Variants in HAPSTR1 observed in about 807,000 individuals in gnomAD.
HAPSTR1 encodes HUWE1 associated protein modifying stress responses, also known as HUWE1-associated protein modifying stress responses 1.
chr16:9,116,966 C>T, the HAPSTR1 span: 148 of 1,596,960 alleles, frequency 9.3e-5, no homozygotes, highest in South Asian at 1.6e-3. Context: ...TGATCCTCAA[C>T]ATATACTATA....
At chr16:9,099,553 T>C in the HAPSTR1 span, among the ~76,000 whole-genome samples, 13 of 152,332 alleles carry the variant, frequency 8.5e-5, no homozygotes, top group African/African-American at 2.9e-4. Flanking sequence ...TAGATTGACA[T>C]TTCAGTGCTT....
At chr16:9,098,762 A>C in the HAPSTR1 span, among the ~76,000 whole-genome samples, 4 of 152,280 alleles carry the variant, frequency 2.6e-5, no homozygotes, top group Admixed American at 2.6e-4. Flanking sequence ...ATTTCTTTAG[A>C]AGTGTTGCTT....
At chr16:9,109,726 G>A in the HAPSTR1 span, 1 of 152,110 alleles carries the variant, frequency 6.6e-6, no homozygotes, top group Non-Finnish European at 1.5e-5. Context: ...AAAGACAGGG[G>A]GACTTAGGCA....
At chr16:9,100,939 C>G in the HAPSTR1 span, among the ~76,000 whole-genome samples, 1 of 152,268 alleles carries the variant, frequency 6.6e-6, no homozygotes, top group East Asian at 1.9e-4. Context: ...GGGCTTACCT[C>G]CATTTGGCTT....
chr16:9,098,995 AGTTAT>A, the HAPSTR1 span, among the ~76,000 whole-genome samples: 1 of 152,140 alleles, frequency 6.6e-6, no homozygotes, highest in Non-Finnish European at 1.5e-5. Flanking sequence ...AATTTTATGC[AGTTAT>A]GTAAGAAAGT....
chr16:9,107,075 C>T, the HAPSTR1 span: 1 of 152,296 alleles, frequency 6.6e-6, no homozygotes, highest in African/African-American at 2.4e-5. Flanking sequence ...CAAATCTGGA[C>T]CTCTCGTTTA....
chr16:9,092,190 C>T, the HAPSTR1 span: 1 of 1,582,546 alleles, frequency 6.3e-7, no homozygotes, highest in East Asian at 2.3e-5. Context: ...GCGGCGGCCG[C>T]CGCGCAGCCC....
the HAPSTR1 span, chr16:9,116,880 T>G: frequency 6.2e-7 from 1 of 1,614,158 alleles, no homozygotes; most frequent in Non-Finnish European, 8.5e-7. Flanking sequence ...CATTACAGAC[T>G]CACCAACCCA....
the HAPSTR1 span, chr16:9,110,446 A>G: frequency 6.6e-6 from 1 of 151,954 alleles, no homozygotes; most frequent in Non-Finnish European, 1.5e-5. Flanking sequence ...AACCAGTAAG[A>G]TTTTCTTCCT....
the HAPSTR1 span, chr16:9,092,331 C>G: frequency 2.0e-5 from 26 of 1,300,580 alleles, no homozygotes; most frequent in East Asian, 8.2e-4. Context: ...CCGGCCCCGG[C>G]CCTATCGGCT....
the HAPSTR1 span, among the ~76,000 whole-genome samples, chr16:9,099,348 C>T: frequency 7.9e-5 from 12 of 152,076 alleles, no homozygotes; most frequent in Admixed American, 7.2e-4. Context: ...GAGGTGCCTG[C>T]CACCATGCCT....
At chr16:9,104,163 G>C in the HAPSTR1 span, 1 of 148,880 alleles carries the variant, frequency 6.7e-6, no homozygotes, top group South Asian at 2.1e-4. Context: ...GGCCCAGGCT[G>C]GAGTGCATTG....
the HAPSTR1 span, chr16:9,112,774 C>G: frequency 1.3e-5 from 2 of 152,156 alleles, no homozygotes; most frequent in East Asian, 3.8e-4. Context: ...GTGGGAGTTT[C>G]CTTTTCAAAG....
the HAPSTR1 span, chr16:9,091,994 C>T: frequency 1.4e-6 from 2 of 1,436,038 alleles, no homozygotes; most frequent in Admixed American, 2.4e-5. Context: ...GGGGCCCCGC[C>T]TGAGGAGGAC....
At chr16:9,120,645 T>C in the HAPSTR1 span, 1 of 152,020 alleles carries the variant, frequency 6.6e-6, no homozygotes, top group Non-Finnish European at 1.5e-5. Flanking sequence ...TACAGGTCTT[T>C]TATACATTAG....
the HAPSTR1 span, chr16:9,103,562 C>T: frequency 8.0e-6 from 2 of 250,680 alleles, no homozygotes; most frequent in African/African-American, 2.3e-5. Context: ...GTGTTTTTTT[C>T]CTCTTCTGAA....
the HAPSTR1 span, chr16:9,105,452 G>A: frequency 6.6e-6 from 1 of 152,104 alleles, no homozygotes; most frequent in Admixed American, 6.5e-5. Context: ...GTGCTGTACT[G>A]GTTTGTGAGA....
chr16:9,103,232 C>T, the HAPSTR1 span: 2 of 1,614,102 alleles, frequency 1.2e-6, no homozygotes, highest in Non-Finnish European at 1.7e-6. Context: ...TGATTTGCAA[C>T]CCTTCCGGGA....
the HAPSTR1 span, chr16:9,106,654 T>A: frequency 6.6e-6 from 1 of 152,124 alleles, no homozygotes; most frequent in Admixed American, 6.5e-5. Context: ...CAGTGCTTTA[T>A]TTTGACACTT....
Sources: allele counts gnomAD v4.1 joint callset (sites outside exome capture counted in the v4.1 genomes callset), GRCh38; gene constraint gnomAD v4.1.1; transcripts MANE v1.5; gene names NCBI Gene and HGNC (gene_info 2026-07-23, HGNC 2026-07-21).